SLX4IP: variants seen among roughly 807,000 people sequenced by gnomAD.
The protein encoded by SLX4IP is protein SLX4IP.
In SLX4IP, 34 loss-of-function variants were observed where a neutral mutation model predicts 32.9. The ratio of observed to expected loss-of-function variants is 1.03; its 90% CI spans 0.79 to 1.38. The LOEUF (loss-of-function observed/expected upper bound fraction) is 1.38. Ranked by LOEUF, SLX4IP falls within the 40% of genes most tolerant of loss-of-function variation. The pLI is 0.00. For synonymous variants in SLX4IP, 172 were observed against 171.7 expected (o/e 1.00, Z -0.01); for missense variants, 444 against 479.0 (o/e 0.93, Z 0.68).
At chr20:10,515,252 T>A (rs1044953458) in intron 2 of SLX4IP, among the ~76,000 whole-genome samples, 1 of 151,878 alleles carries the variant, frequency 6.6e-6, no homozygotes, top group African/African-American at 2.4e-5. Flanking sequence ...GCCCAGCTAA[T>A]TTTTATATTT....
rs1183453793 is a variant in SLX4IP at position 10,512,214 on chromosome 20, G to A, written c.28-44017G>A. Among the ~76,000 whole-genome samples, 5 of 152,290 alleles carry A rather than the reference G, an allele frequency of 3.3e-5. No homozygotes were observed. In the East Asian group the frequency reaches 7.7e-4, roughly 24 times the overall value. On this transcript the variant is annotated intron_variant, in intron 2 of 7. Coordinates refer to ENST00000334534, the MANE Select transcript of SLX4IP (RefSeq NM_001009608.3). ...AGTAAAATGTTATTTGCAAAAACAG[G>A]CAACAGCTGGGTTTTGACCTTGGCT... is the stretch of plus-strand genomic sequence containing the variant.
At position 10,624,362 on chromosome 20, in the gene SLX4IP, G is replaced by A. The variant is rs971699293; in HGVS notation, c.*983G>A. The A allele has an allele frequency of 5.3e-5, 8 of 152,246 alleles. No individual in the cohort carries two copies. Among genetic ancestry groups the A allele is most frequent in the Admixed American group, 2.6e-4 (4 of 15,298 alleles). The allele number at this position is 152,246 out of a possible 1,614,324, so 9.4% of individuals were successfully genotyped here. On this transcript the variant is annotated 3_prime_UTR_variant, in exon 8 of 8. Transcript: ENST00000334534. ...TCCAGTTTCCCAGTTGGAAGGCTTC[G>A]CAGGCAGTTCAAATTTCAAGATGGG...
intron 1 of SLX4IP, among the ~76,000 whole-genome samples, chr20:10,452,679 AAAT>A (rs1342489059): frequency 1.1e-5 from 1 of 92,478 alleles, no homozygotes; most frequent in Non-Finnish European, 2.2e-5. Context: ...AAAAAAAAAA[AAAT>A]ATATATATAT....
intron 3 of SLX4IP, among the ~76,000 whole-genome samples, chr20:10,558,013 C>T (rs2066286123): frequency 1.3e-5 from 2 of 152,130 alleles, no homozygotes; most frequent in South Asian, 4.1e-4. Context: ...ACCAAATGGT[C>T]GGTTTGCTGC....
chr20:10,577,654 G>A (rs1219285856), intron 4 of SLX4IP, among the ~76,000 whole-genome samples: 3 of 152,228 alleles, frequency 2.0e-5, no homozygotes, highest in Non-Finnish European at 4.4e-5. Flanking sequence ...CCAGGAATTC[G>A]AGGCTGCCGT....
chr20:10,622,846 CA>C lies in SLX4IP; in HGVS notation c.695del (p.His232ProfsTer32). ...GGATTCCATAAAGGCAGCTGAGAGC[CA>C]CTGGGGGCTTCCTGTTCAAAAGCTG... Reference protein sequence around the residue: ...AKDSIKAAESHWGLPVQKLEK... With the variant: ...AKDSIKAAESXWGLPVQKLEK... On this transcript the variant is annotated frameshift_variant, in exon 8 of 8. Transcript: ENST00000334534. LOFTEE classifies it high-confidence loss of function. The C allele has an allele frequency of 6.2e-7, 1 of 1,614,096 alleles. No homozygotes were observed. Among genetic ancestry groups the C allele is most frequent in the South Asian group, 1.1e-5 (1 of 91,078 alleles).
chr20:10,486,651 A>G (rs1462496851), intron 2 of SLX4IP, among the ~76,000 whole-genome samples: 1 of 152,190 alleles, frequency 6.6e-6, no homozygotes, highest in Non-Finnish European at 1.5e-5. Context: ...CAGTTCATAT[A>G]AAATAGCTTG....
chr20:10,570,106 G>A (rs1291797858), intron 4 of SLX4IP, among the ~76,000 whole-genome samples: 1 of 152,142 alleles, frequency 6.6e-6, no homozygotes, highest in Non-Finnish European at 1.5e-5. Context: ...ACTCTGAAAG[G>A]GTTCTGACCA....
chr20:10,550,929 G>A (rs1324701513), intron 2 of SLX4IP, among the ~76,000 whole-genome samples: 2 of 152,318 alleles, frequency 1.3e-5, no homozygotes, highest in Admixed American at 1.3e-4. Flanking sequence ...GTGCCCAGCT[G>A]CTGCCCCTCC....
rs979129019 is a variant in SLX4IP, at chr20:10,614,122, G to C, written c.406-7192G>C. On this transcript the variant is annotated intron_variant, in intron 6 of 7. Coordinates refer to ENST00000334534, the MANE Select transcript of SLX4IP (RefSeq NM_001009608.3). ...TGCAGGGACACCTTGTGGTAGCCTCGTCGGACCTCGCCATCGGAGGCCTCG... is the reference window on the plus strand; with the variant it reads ...TGCAGGGACACCTTGTGGTAGCCTCCTCGGACCTCGCCATCGGAGGCCTCG... 9.6e-6 allele frequency: 14 copies of C among 1,463,618 alleles called. No individual in the cohort carries two copies. In the Admixed American group the frequency reaches 9.6e-5, roughly 10 times the overall value. 90.7% of individuals were successfully genotyped at this position (1,463,618 alleles called of 1,614,324 possible).
At chr20:10,601,034 T>A (rs2066835459) in intron 5 of SLX4IP, among the ~76,000 whole-genome samples, 1 of 152,206 alleles carries the variant, frequency 6.6e-6, no homozygotes, top group Non-Finnish European at 1.5e-5. Context: ...TTGCCTTCCT[T>A]TCATTGAATG....
chr20:10,531,109 G>A (rs1020784634), intron 2 of SLX4IP, among the ~76,000 whole-genome samples: 4 of 152,126 alleles, frequency 2.6e-5, no homozygotes, highest in African/African-American at 4.8e-5. Flanking sequence ...ATACCAGGCC[G>A]CTGCCAGGCT....
At chr20:10,556,554 T>C (rs2066269314) in intron 3 of SLX4IP, among the ~76,000 whole-genome samples, 1 of 152,188 alleles carries the variant, frequency 6.6e-6, no homozygotes, top group African/African-American at 2.4e-5. Flanking sequence ...AGACATTTTA[T>C]ACCTCTTTGT....
Position 10,537,169 on chromosome 20 carries a change from A to G in SLX4IP, c.28-19062A>G, listed in dbSNP as rs965407399. On this transcript the variant is annotated intron_variant, in intron 2 of 7. Coordinates refer to ENST00000334534, the MANE Select transcript of SLX4IP (RefSeq NM_001009608.3). The stretch of plus-strand genomic sequence containing the variant: ...CAATTTATAATTTAGAGATGAGTTT[A>G]TGTTACATGGTAAAACTTGAGAATA... 1.3e-4 allele frequency among the ~76,000 whole-genome samples: 20 copies of G among 152,306 alleles called. 1 individual carries two copies. The highest frequency in any genetic ancestry group is 9.8e-4 in the Admixed American group (15 of 15,308).
chr20:10,442,153 A>C (rs1317465197), intron 1 of SLX4IP, among the ~76,000 whole-genome samples: 1 of 152,230 alleles, frequency 6.6e-6, no homozygotes, highest in African/African-American at 2.4e-5. Context: ...GGTCTATTTA[A>C]TGAGAGCATT....
At chr20:10,608,082 G>C (rs1421592598) in intron 6 of SLX4IP, among the ~76,000 whole-genome samples, 1 of 152,186 alleles carries the variant, frequency 6.6e-6, no homozygotes, top group Non-Finnish European at 1.5e-5. Flanking sequence ...TTTTCTCATA[G>C]TGTATCTTTG....
At chr20:10,448,846 T>C (rs1030376714) in intron 1 of SLX4IP, among the ~76,000 whole-genome samples, 8 of 152,322 alleles carry the variant, frequency 5.3e-5, no homozygotes, top group African/African-American at 1.9e-4. Context: ...AAAGATTCAG[T>C]ATATTTTTGG....
intron 5 of SLX4IP, among the ~76,000 whole-genome samples, chr20:10,600,766 G>A (rs1355020118): frequency 6.6e-6 from 1 of 152,146 alleles, no homozygotes; most frequent in East Asian, 1.9e-4. Context: ...TCTCATGTAA[G>A]AGGGAAGCTT....
At chr20:10,500,130 CTTTTTTTTTT>C (rs34751503) in intron 2 of SLX4IP, among the ~76,000 whole-genome samples, 6 of 90,060 alleles carry the variant, frequency 6.7e-5, no homozygotes, top group South Asian at 4.4e-4. Context: ...TGTCAAAATT[CTTTTTTTTTT>C]TTTTTTTTTT....
Sources: allele counts gnomAD v4.1 joint callset (sites outside exome capture counted in the v4.1 genomes callset), GRCh38; gene constraint gnomAD v4.1.1; transcripts MANE v1.5; gene names NCBI Gene and HGNC (gene_info 2026-07-23, HGNC 2026-07-21).